Variants in BTC observed in about 807,000 individuals in gnomAD.
BTC encodes probetacellulin.
Under a neutral mutation model 18.1 loss-of-function variants are expected in BTC, and 13 were observed. That is an observed-to-expected ratio of 0.72 (90% CI 0.47 to 1.14). The LOEUF is 1.14. Ranked by LOEUF, BTC falls within the 50% of genes most tolerant of loss-of-function variation. The probability of loss-of-function intolerance (pLI) is 0.00; values close to 1 mark genes in which losing one functional copy is unlikely to be tolerated. For missense variants in BTC, 247 were observed against 224.2 expected, an observed-to-expected ratio of 1.10 and a Z score of -0.65; for synonymous variants, 83 against 79.4, an observed-to-expected ratio of 1.05 and a Z score of -0.24.
intron 1 of BTC, among the ~76,000 whole-genome samples, chr4:74,772,953 TG>T (rs1671134555): frequency 6.6e-6 from 1 of 152,200 alleles, no homozygotes; most frequent in African/African-American, 2.4e-5. Context: ...CGCTAAGCTT[TG>T]TTTCACATGC....
chr4:74,770,045 T>C lies in BTC; in HGVS notation c.163+13A>G. 1 of 1,590,384 alleles carries C rather than the reference T, an allele frequency of 6.3e-7. No homozygotes were observed. On this transcript the variant is annotated intron_variant, in intron 2 of 5. Coordinates refer to ENST00000395743, the MANE Select transcript of BTC (RefSeq NM_001729.4). ...AAAACTCAGATTTGAATATAAAACT[T>C]GTTAAACTTTACCTGCACAGTTTTC...
At chr4:74,759,161 T>C (rs1171966475) in intron 2 of BTC, among the ~76,000 whole-genome samples, 2 of 152,048 alleles carry the variant, frequency 1.3e-5, no homozygotes, top group African/African-American at 4.8e-5. Flanking sequence ...CCTGATAATA[T>C]AGGGCACGGG....
At chr4:74,755,178 CAT>C (rs1232529959) in intron 3 of BTC, among the ~76,000 whole-genome samples, 1 of 152,114 alleles carries the variant, frequency 6.6e-6, no homozygotes, top group African/African-American at 2.4e-5. Context: ...TGCAGAAGAA[CAT>C]AAACATTCTA....
chr4:74,759,665 A>C (rs1292655030), intron 2 of BTC, among the ~76,000 whole-genome samples: 1 of 152,098 alleles, frequency 6.6e-6, no homozygotes, highest in Non-Finnish European at 1.5e-5. Context: ...GTTAAAAAAA[A>C]AAAAAGAAAC....
chr4:74,772,408 T>G (rs1725066283), intron 1 of BTC, among the ~76,000 whole-genome samples: 1 of 152,180 alleles, frequency 6.6e-6, no homozygotes, highest in Admixed American at 6.5e-5. Context: ...CACAGGAATT[T>G]TATATTACTC....
At chr4:74,765,417 T>A (rs1443485893) in intron 2 of BTC, among the ~76,000 whole-genome samples, 2 of 151,960 alleles carry the variant, frequency 1.3e-5, no homozygotes, top group African/African-American at 4.8e-5. Flanking sequence ...GACAGATAAT[T>A]GGAAATTATA....
At chr4:74,767,362 G>A (rs1037996481) in intron 2 of BTC, among the ~76,000 whole-genome samples, 3 of 151,556 alleles carry the variant, frequency 2.0e-5, no homozygotes, top group Non-Finnish European at 4.4e-5. Context: ...AAAACACGTA[G>A]GAATAAACTA....
chr4:74,766,856 C>T (rs1435096608), intron 2 of BTC, among the ~76,000 whole-genome samples: 2 of 152,016 alleles, frequency 1.3e-5, no homozygotes, highest in African/African-American at 4.8e-5. Flanking sequence ...ATTCATAATT[C>T]ATTTTGACAA....
At chr4:74,748,228 G>C in intron 4 of BTC, 79 bp from the exon 5 acceptor site, 1 of 895,270 alleles carries the variant, frequency 1.1e-6, no homozygotes, top group Non-Finnish European at 1.7e-6. Context: ...GAGATCCTAT[G>C]ATCAGGTTTC....
intron 1 of BTC, among the ~76,000 whole-genome samples, chr4:74,778,419 T>C (rs1211359076): frequency 1.3e-5 from 2 of 151,736 alleles, no homozygotes; most frequent in South Asian, 2.1e-4. Context: ...AAGCTTGGGG[T>C]AGTGAGAATA....
chr4:74,755,498 G>A (rs1361904560), intron 3 of BTC, among the ~76,000 whole-genome samples: 10 of 152,224 alleles, frequency 6.6e-5, no homozygotes, highest in South Asian at 2.1e-4. Flanking sequence ...GAATTTCCTC[G>A]TATTTACACT....
chr4:74,778,316 A>G (rs898729731), intron 1 of BTC, among the ~76,000 whole-genome samples: 1 of 152,192 alleles, frequency 6.6e-6, no homozygotes, highest in African/African-American at 2.4e-5. Context: ...CTCAAAAGAA[A>G]CACTCTAAAA....
intron 1 of BTC, among the ~76,000 whole-genome samples, chr4:74,791,969 TCACACACACACA>T (rs3087019): frequency 8.6e-4 from 116 of 134,246 alleles, no homozygotes; most frequent in African/African-American, 3.0e-3. Flanking sequence ...TTCCACCATC[TCACACACACACA>T]CACACACACA....
chr4:74,790,893 G>T (rs1421997132), intron 1 of BTC, among the ~76,000 whole-genome samples: 2 of 152,250 alleles, frequency 1.3e-5, no homozygotes, highest in African/African-American at 2.4e-5. Flanking sequence ...TGGCACAGAT[G>T]TATGGGTAGG....
At chr4:74,779,688 C>A (rs895866810) in intron 1 of BTC, among the ~76,000 whole-genome samples, 1 of 151,834 alleles carries the variant, frequency 6.6e-6, no homozygotes, top group Non-Finnish European at 1.5e-5. Flanking sequence ...GGTCTCTGAC[C>A]CATGAGGAAA....
chr4:74,779,977 A>C (rs1040842787), intron 1 of BTC, among the ~76,000 whole-genome samples: 1 of 152,172 alleles, frequency 6.6e-6, no homozygotes, highest in African/African-American at 2.4e-5. Flanking sequence ...AAGCTGGAAA[A>C]ATCAAAAAGT....
chr4:74,767,864 T>C (rs1283816957), intron 2 of BTC, among the ~76,000 whole-genome samples: 1 of 151,986 alleles, frequency 6.6e-6, no homozygotes, highest in Non-Finnish European at 1.5e-5. Context: ...GACCCGCTTG[T>C]TATACAAAAA....
chr4:74,791,053 G>T (rs1244206996), intron 1 of BTC, among the ~76,000 whole-genome samples: 1 of 152,140 alleles, frequency 6.6e-6, no homozygotes. Flanking sequence ...CCCTAGACAG[G>T]ACATTCTGCA....
intron 5 of BTC, among the ~76,000 whole-genome samples, chr4:74,747,831 T>C (rs568556139): frequency 2.4e-4 from 36 of 152,296 alleles, no homozygotes; most frequent in African/African-American, 8.7e-4. Context: ...AGAATTAGAA[T>C]GCCTATCTCT....
Sources: allele counts gnomAD v4.1 joint callset (sites outside exome capture counted in the v4.1 genomes callset), GRCh38; gene constraint gnomAD v4.1.1; transcripts MANE v1.5; gene names NCBI Gene and HGNC (gene_info 2026-07-23, HGNC 2026-07-21).